HEPH: variants seen among roughly 807,000 people sequenced by gnomAD.
HEPH encodes the protein hephaestin.
HEPH carries 69 observed loss-of-function variants against 80.8 expected under a neutral mutation model. The observed-to-expected ratio is 0.85, with a 90% CI of 0.70 to 1.04. HEPH has a LOEUF of 1.04. HEPH is among the 50% of genes least tolerant of loss of function. The pLI, the probability that HEPH is intolerant of heterozygous loss-of-function variation, is 0.00. For missense variants in HEPH, 1,115 were observed against 891.3 expected (o/e 1.25, Z -3.20); for synonymous variants, 431 against 322.8 (o/e 1.34, Z -3.60).
chrX:66,209,297 A>C (rs1414883444), intron 15 of HEPH, among the ~76,000 whole-genome samples: 1 of 112,515 alleles, frequency 8.9e-6, no homozygotes, highest in Non-Finnish European at 1.9e-5. Flanking sequence ...CTAAATCAGT[A>C]GTTTTCAAAC....
chrX:66,239,424 A>T (rs1021212840), intron 15 of HEPH, among the ~76,000 whole-genome samples: 1 of 112,132 alleles, frequency 8.9e-6, no homozygotes, highest in Admixed American at 9.5e-5. Context: ...TCAGTACCTC[A>T]GTGGCATCTG....
intron 15 of HEPH, among the ~76,000 whole-genome samples, chrX:66,228,096 C>T (rs747548784): frequency 2.7e-5 from 3 of 111,719 alleles, no homozygotes; most frequent in Non-Finnish European, 5.6e-5. Context: ...TTCCATGCAG[C>T]TGGGGAGACC....
intron 15 of HEPH, among the ~76,000 whole-genome samples, chrX:66,209,344 AAC>A (rs1311878518): frequency 8.9e-6 from 1 of 112,438 alleles, no homozygotes; most frequent in Non-Finnish European, 1.9e-5. Context: ...GGCTTGCTAA[AAC>A]ACAGATCGCT....
intron 15 of HEPH, among the ~76,000 whole-genome samples, chrX:66,219,179 A>G (rs1090843): frequency 0.39 from 43,620 of 111,130 alleles, 9,664 homozygotes; most frequent in African/African-American, 0.86. Context: ...TTGAAGAAGT[A>G]CAGGTAGCAA....
chrX:66,171,450 C>T (rs1210353408), intron 2 of HEPH, among the ~76,000 whole-genome samples: 1 of 112,165 alleles, frequency 8.9e-6, no homozygotes, highest in Non-Finnish European at 1.9e-5. Context: ...TTAACCTTTC[C>T]TGATCTTAGA....
intron 15 of HEPH, among the ~76,000 whole-genome samples, chrX:66,230,690 G>A (rs1460998677): frequency 2.9e-5 from 3 of 103,115 alleles, no homozygotes; most frequent in Non-Finnish European, 5.9e-5. Context: ...TTTGTCAGAT[G>A]AGTAGGTTGC....
chrX:66,176,953 CA>C, intron 4 of HEPH, among the ~76,000 whole-genome samples: 1 of 111,198 alleles, frequency 9.0e-6, no homozygotes, highest in South Asian at 3.8e-4. Context: ...CAACAAAAGC[CA>C]AAATTGACAA....
intron 15 of HEPH, among the ~76,000 whole-genome samples, chrX:66,242,562 C>A (rs916495651): frequency 9.0e-6 from 1 of 111,580 alleles, no homozygotes; most frequent in Non-Finnish European, 1.9e-5. Flanking sequence ...AAACTACCAA[C>A]AAAGGAAACA....
chrX:66,245,849 T>C (rs760963565), intron 15 of HEPH, among the ~76,000 whole-genome samples: 27 of 112,355 alleles, frequency 2.4e-4, no homozygotes, highest in Admixed American at 1.9e-3. Flanking sequence ...CTCAACTACA[T>C]GGAAACTGAG....
Position 66,232,621 on chromosome X carries a change from C to T in HEPH, c.2564-22414C>T, listed in dbSNP as rs145160389. Among the ~76,000 whole-genome samples the T allele has an allele frequency of 4.9e-3, 546 of 111,128 alleles. 3 individuals are homozygous for T. The highest frequency in any genetic ancestry group is 0.016 in the African/African-American group (485 of 30,682). On this transcript the variant is annotated intron_variant, in intron 15 of 20. Coordinates refer to ENST00000343002, the MANE Select transcript of HEPH (RefSeq NM_001367233.3). ...ATATGAAAGTTATAATGTAGCATAA[C>T]ATCTTATTTTTACGAAAACAATTAT...
rs141695362 is a variant in HEPH at position 66,208,256 on chromosome X, G to A, written c.2563+10G>A. 1.6e-3 allele frequency: 1,930 copies of A among 1,197,242 alleles called. 28 individuals carry two copies. The African/African-American group carries it at 0.029, about 18-fold the overall frequency. ...CTGGCTGCTGAGCCTGGTGAGTGGG[G>A]ACACTTAGTGAAAGAACAAAGGACA... On this transcript the variant is annotated intron_variant, in intron 15 of 20. Transcript: ENST00000343002.
At chrX:66,211,454 C>T (rs949501289) in intron 15 of HEPH, among the ~76,000 whole-genome samples, 1 of 110,661 alleles carries the variant, frequency 9.0e-6, no homozygotes, top group Non-Finnish European at 1.9e-5. Flanking sequence ...ATATTTGTAC[C>T]CTTTAAATCA....
rs752976263 is a variant in HEPH, at chrX:66,266,510, T to C, written c.3315T>C (p.Val1105=). 9.1e-6 allele frequency: 11 copies of C among 1,204,664 alleles called. No homozygotes were observed. In the Admixed American group the frequency reaches 2.4e-4, roughly 26 times the overall value. The part of the protein sequence containing the change: ...MLGMQIPIKN[V]EMLASVLVAI... ...GCATGCAGATCCCCATAAAGAATGTTGAGATGCTGGCCTCTGTTTTGGTTG... is the reference window on the plus strand; with the variant it reads ...GCATGCAGATCCCCATAAAGAATGTCGAGATGCTGGCCTCTGTTTTGGTTG... Residue 1105 remains valine, a synonymous_variant, in exon 21 of 21, where the codon GTT becomes GTC. Transcript: ENST00000343002.
At chrX:66,231,000 G>A (rs1280362801) in intron 15 of HEPH, among the ~76,000 whole-genome samples, 1 of 107,786 alleles carries the variant, frequency 9.3e-6, no homozygotes, top group Admixed American at 1.0e-4. Context: ...CATATGGCTA[G>A]CCAGTTTTCC....
intron 13 of HEPH, among the ~76,000 whole-genome samples, chrX:66,204,282 TAGTC>T (rs767203080): frequency 9.8e-5 from 11 of 112,136 alleles, no homozygotes; most frequent in Admixed American, 1.9e-4. Context: ...AATCTCTAAT[TAGTC>T]AGCCATGTGC....
At chrX:66,166,831 A>G (rs1385359432) in intron 1 of HEPH, among the ~76,000 whole-genome samples, 1 of 112,098 alleles carries the variant, frequency 8.9e-6, no homozygotes, top group Non-Finnish European at 1.9e-5. Flanking sequence ...CTATGTTTAT[A>G]TTCCTGTATG....
intron 15 of HEPH, among the ~76,000 whole-genome samples, chrX:66,215,525 A>G (rs1227311959): frequency 2.7e-5 from 3 of 111,954 alleles, no homozygotes; most frequent in East Asian, 5.6e-4. Flanking sequence ...TTCCAAATGA[A>G]CAAACATTTA....
intron 15 of HEPH, among the ~76,000 whole-genome samples, chrX:66,220,240 G>C (rs924062787): frequency 9.0e-6 from 1 of 111,539 alleles, no homozygotes; most frequent in African/African-American, 3.3e-5. Flanking sequence ...TACATGCTCA[G>C]CTAATTGCAA....
intron 19 of HEPH, 91 bp from the exon 20 acceptor site, chrX:66,263,553 T>A (rs1316990765): frequency 1.0e-6 from 1 of 988,910 alleles, no homozygotes; most frequent in East Asian, 3.1e-5. Context: ...CAGAGAAATT[T>A]CTGCAACCAA....
Sources: gnomAD v4.1 joint callset for allele counts (sites outside exome capture counted in the v4.1 genomes callset) on GRCh38, gnomAD v4.1.1 for gene constraint, MANE v1.5 for transcripts, NCBI Gene and HGNC (gene_info 2026-07-23, HGNC 2026-07-21) for gene names.